C1orf167: variants seen among roughly 807,000 people sequenced by gnomAD.
C1orf167 encodes chromosome 1 open reading frame 167.
Under a neutral mutation model 176.5 loss-of-function variants are expected in C1orf167, and 153 were observed. That is an observed-to-expected ratio of 0.87 (90% confidence interval 0.76 to 0.99). The LOEUF (loss-of-function observed/expected upper bound fraction) is 0.99. Among genes scored for constraint, C1orf167 ranks in the 50% least tolerant of loss-of-function variants. C1orf167 has a pLI of 0.00. For missense variants in C1orf167, 1,490 were observed against 1,817.7 expected (o/e 0.82, Z 3.28); for synonymous variants, 594 against 752.7 (o/e 0.79, Z 3.45).
At position 11,762,305 on chromosome 1, in the gene C1orf167, C is replaced by T. The variant is rs59749916; in HGVS notation, c.-71C>T. On this transcript the variant is annotated splice_region_variant and 5_prime_UTR_variant, in exon 1 of 21. The change creates a new upstream start codon in the 5' untranslated region. Transcript: ENST00000688073. The stretch of plus-strand genomic sequence containing the variant: ...GGAGGACCCGAGGAGGACCCACGCA[C>T]GTGAGGGCAGATCCATGAGGGCAGG... The T allele has an allele frequency of 3.3e-3, 1,282 of 387,422 alleles. 17 individuals are homozygous for T. Among genetic ancestry groups the T allele is most frequent in the African/African-American group, 0.024 (1,128 of 47,632 alleles). 24.0% of individuals were successfully genotyped at this position (387,422 alleles called of 1,614,324 possible).
At chr1:11,781,663 C>G (rs546971727) in intron 13 of C1orf167, among the ~76,000 whole-genome samples, 131 of 152,292 alleles carry the variant, frequency 8.6e-4, no homozygotes, top group African/African-American at 2.9e-3. Flanking sequence ...GTAATCCCAG[C>G]AATTTGGGAG....
intron 6 of C1orf167, among the ~76,000 whole-genome samples, chr1:11,770,256 A>G (rs763482815): frequency 1.3e-5 from 2 of 151,936 alleles, no homozygotes; most frequent in Non-Finnish European, 2.9e-5. Flanking sequence ...AGAAAGAAAA[A>G]AAAAAACCTG....
In C1orf167 at chr1:11,789,341, C is replaced by T. The variant is rs979760459; in HGVS notation, c.4245C>T (p.Pro1415=). 1 of 1,303,960 alleles carries T rather than the reference C, an allele frequency of 7.7e-7. No homozygotes were observed. Among genetic ancestry groups the T allele is most frequent in the African/African-American group, 1.5e-5 (1 of 65,826 alleles). 80.8% of individuals were successfully genotyped at this position (1,303,960 alleles called of 1,614,324 possible). A position where few individuals can be genotyped will look rare whatever the true frequency, so the allele number is the denominator to read the frequency against. ...GAGGAGCTGCCAGTAGCCCAAGACCCTGGAGCAAGCCAGGCCCCAAGGGCC... is the reference window on the plus strand; with the variant it reads ...GAGGAGCTGCCAGTAGCCCAAGACCTTGGAGCAAGCCAGGCCCCAAGGGCC... ...PRRGAASSPR[P]WSKPGPKGPE... is the part of the protein sequence containing the mutation. The change falls in exon 21 of 21, where the codon CCC becomes CCT. Residue 1415 remains proline (P), a synonymous_variant. Coordinates refer to ENST00000688073, the MANE Select transcript of C1orf167 (RefSeq NM_001010881.2).
At chr1:11,775,211 C>T (rs1225849658) in intron 8 of C1orf167, among the ~76,000 whole-genome samples, 1 of 152,128 alleles carries the variant, frequency 6.6e-6, no homozygotes, top group Non-Finnish European at 1.5e-5. Context: ...ATCTCTTGAA[C>T]CTAGGAGGTG....
At chr1:11,780,057 G>C (rs1643523324) in intron 13 of C1orf167, 47 bp downstream of exon 13, 1 of 1,217,648 alleles carries the variant, frequency 8.2e-7, no homozygotes, top group Non-Finnish European at 1.1e-6. Flanking sequence ...GGCAGGGCCA[G>C]GGTCTGTCTG....
intron 15 of C1orf167, among the ~76,000 whole-genome samples, chr1:11,784,944 TC>T (rs1287018106): frequency 6.6e-6 from 1 of 152,168 alleles, no homozygotes; most frequent in African/African-American, 2.4e-5. Context: ...AGGATGCTTG[TC>T]CCCGTCTGTG....
chr1:11,781,289 C>T lies in C1orf167; in HGVS notation c.2861-900C>T, dbSNP rs575738609. Among the ~76,000 whole-genome samples, 10 of 152,090 alleles carry T rather than the reference C, an allele frequency of 6.6e-5. No individual in the cohort carries two copies. The East Asian group carries it at 1.7e-3, about 27-fold the overall frequency. On this transcript the variant is annotated intron_variant, in intron 13 of 20. Coordinates refer to ENST00000688073, the MANE Select transcript of C1orf167 (RefSeq NM_001010881.2). ...CTGGGATTACAAGCGTGAGCCACCG[C>T]ACCCGGCCCCAACCAGTCTCTTTAT... is the stretch of plus-strand genomic sequence containing the variant.
intron 4 of C1orf167, 130 bp from the exon 5 acceptor site, chr1:11,767,947 A>G (rs1026155633): frequency 1.7e-6 from 1 of 595,926 alleles, no homozygotes; most frequent in Non-Finnish European, 2.5e-6. Context: ...GCAGTGTGAT[A>G]CTCCTGTTGT....
Position 11,775,602 on chromosome 1 carries a change from A to G in C1orf167, c.2156A>G (p.Gln719Arg), listed in dbSNP as rs749654460. The change falls in exon 9 of 21, where the codon CAG (glutamine) becomes CGG (arginine). Residue 719 changes from glutamine (Q) to arginine (R), a missense_variant. Gln to Arg is a conservative substitution (Grantham distance 43). Coordinates refer to ENST00000688073, the MANE Select transcript of C1orf167 (RefSeq NM_001010881.2). Reference protein sequence around the residue: ...AKVTQLSLCRQKAGREAVYTA... With the variant: ...AKVTQLSLCRRKAGREAVYTA... ...GTGACCCAGCTGTCCCTCTGCCGGC[A>G]GAAAGCAGGTGAGCTAGTGTTGGCT... 2 of 1,302,706 alleles carry G rather than the reference A, an allele frequency of 1.5e-6. No homozygotes were observed. The highest frequency in any genetic ancestry group is 2.5e-5 in the South Asian group (2 of 80,854). 80.7% of individuals were successfully genotyped at this position (1,302,706 alleles called of 1,614,324 possible). A position where few individuals can be genotyped will look rare whatever the true frequency, so the allele number is the denominator to read the frequency against.
At chr1:11,771,473 G>A (rs1263748373) in intron 6 of C1orf167, 51 bp from the exon 7 acceptor site, 1 of 1,200,854 alleles carries the variant, frequency 8.3e-7, no homozygotes, top group South Asian at 1.3e-5. Flanking sequence ...TTGGGACCGA[G>A]TGCCCTTCCT....
In C1orf167 at chr1:11,788,668, T is replaced by C. The variant is rs1247494978; in HGVS notation, c.4095T>C (p.Pro1365=). 3.1e-6 allele frequency: 4 copies of C among 1,302,948 alleles called. No individual in the cohort carries two copies. Among genetic ancestry groups the C allele is most frequent in the East Asian group, 5.6e-5 (1 of 18,014 alleles). 80.7% of individuals were successfully genotyped at this position (1,302,948 alleles called of 1,614,324 possible). ...AGADPAQGVA[P]EMGLADVVAA... is the part of the protein sequence containing the mutation. Reference sequence around the variant, plus strand: ...TCCCCAAAGCTCAGGGAGTGGCACCTGAGATGGGCCTGGCAGACGTGGTGG... The same window carrying C: ...TCCCCAAAGCTCAGGGAGTGGCACCCGAGATGGGCCTGGCAGACGTGGTGG... The change falls in exon 20 of 21, where the codon CCT becomes CCC. Residue 1365 remains proline, a synonymous_variant. Transcript: ENST00000688073.
intron 1 of C1orf167, among the ~76,000 whole-genome samples, chr1:11,763,669 T>C (rs1366143650): frequency 2.0e-5 from 3 of 152,046 alleles, no homozygotes; most frequent in Non-Finnish European, 4.4e-5. Context: ...GGCATTAGAG[T>C]TGAGGCAGGG....
chr1:11,788,709 C>T lies in C1orf167; in HGVS notation c.4136C>T (p.Thr1379Ile), dbSNP rs986332098. ...GACGTGGTGGCAGCGGATCCTGCGA[C>T]TGCGAGTGGCTCAGCAGTTACAGCA... The part of the protein sequence containing the change: ...LADVVAADPA[T>I]ASGSAVTAAG... Residue 1379 changes from threonine to isoleucine, a missense_variant, in exon 20 of 21, where the codon ACT (threonine) becomes ATT (isoleucine). Physicochemically the swap from Thr to Ile is moderately conservative, Grantham distance 89 (BLOSUM62 -1). Coordinates refer to ENST00000688073, the MANE Select transcript of C1orf167 (RefSeq NM_001010881.2). 3 of 1,304,172 alleles carry T rather than the reference C, an allele frequency of 2.3e-6. No individual in the cohort carries two copies. The highest frequency in any genetic ancestry group is 5.5e-5 in the East Asian group (1 of 18,044). The allele number at this position is 1,304,172 out of a possible 1,614,324, so 80.8% of individuals were successfully genotyped here. A position where few individuals can be genotyped will look rare whatever the true frequency, so the allele number is the denominator to read the frequency against.
At chr1:11,783,188 T>C (rs1643674092) in intron 14 of C1orf167, among the ~76,000 whole-genome samples, 1 of 152,192 alleles carries the variant, frequency 6.6e-6, no homozygotes, top group Non-Finnish European at 1.5e-5. Context: ...AGTGAACTGT[T>C]GGCTACAGAA....
At chr1:11,774,113 C>T (rs1643203553) in intron 8 of C1orf167, among the ~76,000 whole-genome samples, 1 of 152,108 alleles carries the variant, frequency 6.6e-6, no homozygotes, top group Non-Finnish European at 1.5e-5. Context: ...CCACGTTGCT[C>T]AGGCTGGCCT....
At chr1:11,764,956 C>T (rs954889998) in intron 2 of C1orf167, among the ~76,000 whole-genome samples, 2 of 145,518 alleles carry the variant, frequency 1.4e-5, no homozygotes, top group Non-Finnish European at 3.0e-5. Context: ...CGGGAGGCTG[C>T]AGCAGGAGAA....
At position 11,766,063 on chromosome 1, in the gene C1orf167, C is replaced by A. The variant is rs1298684907; in HGVS notation, c.277C>A (p.Leu93Met). The A allele has an allele frequency of 7.8e-7, 1 of 1,289,762 alleles. No individual in the cohort carries two copies. Among genetic ancestry groups the A allele is most frequent in the Non-Finnish European group, 1.0e-6 (1 of 988,874 alleles). 79.9% of individuals were successfully genotyped at this position (1,289,762 alleles called of 1,614,324 possible). The change falls in exon 3 of 21, where the codon CTG becomes ATG. Residue 93 changes from leucine (L) to methionine (M), a missense_variant. Leu to Met is a conservative substitution (Grantham distance 15). Transcript: ENST00000688073. The surrounding 1 kb of genome is among the most constrained non-coding windows in gnomAD (Gnocchi z 4.5). ...GLALKDTTGQ[L>M]VNSSFWQQSN... ...AGCTCTGAAGGACACGACTGGCCAA[C>A]TGGTCAATTCAAGCTTCTGGCAACA...
rs1642895535 is a variant in C1orf167 at position 11,768,252 on chromosome 1, C to T, written c.1519C>T (p.Leu507=). The T allele has an allele frequency of 7.8e-7, 1 of 1,289,842 alleles. No homozygotes were observed. The allele number at this position is 1,289,842 out of a possible 1,614,324, so 79.9% of individuals were successfully genotyped here. Residue 507 remains leucine (L), a synonymous_variant, in exon 5 of 21, where the codon CTG becomes TTG. Transcript: ENST00000688073. This position sits in a 1 kb window ranked among gnomAD's most constrained non-coding sequence, Gnocchi z 4.5. ...AGCATGGGGGCAGTACACAAAGGTT[C>T]TGCTGGTCCGGAGCTTCCGAGAGGT... ...EAAWGQYTKV[L]LVRSFREWRN... is the part of the protein sequence containing the mutation.
rs1317575018 is a variant in C1orf167 at position 11,787,978 on chromosome 1, C to T, written c.3779C>T (p.Pro1260Leu). ...CCCCTGTGGACGAGGGACCAGGGACCAAGAGCGCACTCCAGCCCTGAGCCC... is the reference window on the plus strand; with the variant it reads ...CCCCTGTGGACGAGGGACCAGGGACTAAGAGCGCACTCCAGCCCTGAGCCC... ...GLPLWTRDQG[P>L]RAHSSPEPRA... The change falls in exon 18 of 21, where the codon CCA becomes CTA. Residue 1260 changes from proline to leucine, a missense_variant. By Grantham distance (98) the Pro-to-Leu change is moderately conservative. Transcript: ENST00000688073. The T allele has an allele frequency of 7.7e-7, 1 of 1,304,244 alleles. No homozygotes were observed. The highest frequency in any genetic ancestry group is 2.3e-5 in the Admixed American group (1 of 43,552). The allele number at this position is 1,304,244 out of a possible 1,614,324, so 80.8% of individuals were successfully genotyped here.
Sources: gnomAD v4.1 joint callset for allele counts (sites outside exome capture counted in the v4.1 genomes callset) on GRCh38, gnomAD v4.1.1 for gene constraint, Gnocchi (gnomAD v3.1) non-coding constraint, MANE v1.5 for transcripts, NCBI Gene and HGNC (gene_info 2026-07-23, HGNC 2026-07-21) for gene names.